The following KIF5A variants were observed in gnomAD, a reference collection of about 807,000 sequenced individuals.
The protein encoded by KIF5A is kinesin heavy chain isoform 5A.
In KIF5A, 35 loss-of-function variants were observed where a neutral mutation model predicts 141.3. The observed-to-expected ratio is 0.25, with a 90% confidence interval of 0.19 to 0.33. The LOEUF (loss-of-function observed/expected upper bound fraction) is 0.33. KIF5A is among the 10% of genes least tolerant of loss of function. The probability of loss-of-function intolerance (pLI) is 1.00; values close to 1 mark genes in which losing one functional copy is unlikely to be tolerated. For missense variants in KIF5A, 861 were observed against 1,314.3 expected (o/e 0.66, Z 5.33); for synonymous variants, 448 against 500.2 (o/e 0.90, Z 1.39).
At position 57,570,105 on chromosome 12, in the gene KIF5A, G is replaced by A. The variant is rs143591739; in HGVS notation, c.1236G>A (p.Glu412=). Residue 412 remains glutamate, a synonymous_variant, in exon 12 of 29, where the codon GAG becomes GAA. Coordinates refer to ENST00000455537, the MANE Select transcript of KIF5A (RefSeq NM_004984.4). ...CCATCGTGGTGCGCATCGCGCCCGAGGAGCGGCAGAAATACGAGGAGGAGA... is the reference window on the plus strand; with the variant it reads ...CCATCGTGGTGCGCATCGCGCCCGAAGAGCGGCAGAAATACGAGGAGGAGA... ...NSSIVVRIAP[E]ERQKYEEEIR... The A allele has an allele frequency of 4.3e-5, 69 of 1,614,184 alleles. No homozygotes were observed. The African/African-American group carries it at 7.6e-4, about 18-fold the overall frequency.
rs541896344 is a variant in KIF5A, at chr12:57,570,098, C to T, written c.1229C>T (p.Ala410Val). The T allele has an allele frequency of 1.8e-5, 29 of 1,614,152 alleles. No individual in the cohort carries two copies. Among genetic ancestry groups the T allele is most frequent in the East Asian group, 2.2e-5 (1 of 44,878 alleles). ...AACTCATCCATCGTGGTGCGCATCGCGCCCGAGGAGCGGCAGAAATACGAG... is the reference window on the plus strand; with the variant it reads ...AACTCATCCATCGTGGTGCGCATCGTGCCCGAGGAGCGGCAGAAATACGAG... ...NDNSSIVVRI[A>V]PEERQKYEEE... Residue 410 changes from alanine (A) to valine (V), a missense_variant, in exon 12 of 29, where the codon GCG becomes GTG. Around this residue, in one of 5 missense-constraint regions of KIF5A, gnomAD observed 167 missense variants for 192.0 expected, o/e 0.87. Transcript: ENST00000455537.
At position 57,575,191 on chromosome 12, in the gene KIF5A, G is replaced by A. The variant is rs1217611247; in HGVS notation, c.1824G>A (p.Leu608=). The change falls in exon 16 of 29, where the codon CTG becomes CTA. Residue 608 remains leucine, a synonymous_variant. Coordinates refer to ENST00000455537, the MANE Select transcript of KIF5A (RefSeq NM_004984.4). The part of the protein sequence containing the change: ...VKSVVKRCRQ[L]ENLQVECHRK... The stretch of plus-strand genomic sequence containing the variant: ...CTGTGGTCAAGCGGTGCCGGCAGCT[G>A]GAGAACCTCCAGGTGGAGTGTCACC... 6.2e-7 allele frequency: 1 copy of A among 1,613,950 alleles called. No individual in the cohort carries two copies. Among genetic ancestry groups the A allele is most frequent in the Non-Finnish European group, 8.5e-7 (1 of 1,179,934 alleles).
rs773435627 is a variant in KIF5A at position 57,575,092 on chromosome 12, G to C, written c.1725G>C (p.Glu575Asp). The change falls in exon 16 of 29, where the codon GAG becomes GAC. Residue 575 changes from glutamate to aspartate, a missense_variant. This residue lies in a region of KIF5A where 482 missense variants were observed against 661.3 expected (regional missense o/e 0.73). Coordinates refer to ENST00000455537, the MANE Select transcript of KIF5A (RefSeq NM_004984.4). ...TCCTTTAATCACCTTAGCCAGTGGA[G>C]ATCAGTGGGGCCATCGAGGAGGAGT... ...VGNGEIKLPVEISGAIEEEFT... is the reference protein window; with the variant it reads ...VGNGEIKLPVDISGAIEEEFT... 6.2e-7 allele frequency: 1 copy of C among 1,614,098 alleles called. No individual in the cohort carries two copies. The highest frequency in any genetic ancestry group is 1.1e-5 in the South Asian group (1 of 91,074).
In KIF5A at chr12:57,583,209, C is replaced by A; in HGVS notation, c.*30C>A. On this transcript the variant is annotated 3_prime_UTR_variant, in exon 28 of 29. Transcript: ENST00000455537. Reference sequence around the variant, plus strand: ...CCACACCCACGGCTGCATACCTGCACTTTCAGGTAGCGTCAGGCTGCTTCC... The same window carrying A: ...CCACACCCACGGCTGCATACCTGCAATTTCAGGTAGCGTCAGGCTGCTTCC... 1 of 1,587,118 alleles carries A rather than the reference C, an allele frequency of 6.3e-7. No individual in the cohort carries two copies. Among genetic ancestry groups the A allele is most frequent in the Non-Finnish European group, 8.6e-7 (1 of 1,157,382 alleles).
Position 57,572,639 on chromosome 12 carries a change from G to A in KIF5A, c.1629G>A (p.Gln543=). The A allele has an allele frequency of 6.2e-7, 1 of 1,614,260 alleles. No individual in the cohort carries two copies. The highest frequency in any genetic ancestry group is 8.5e-7 in the Non-Finnish European group (1 of 1,180,056). ...GGCTACAGGAGGTCAGTGGACACCAGCGAAAACGAATTGCTGAGGTGCTGA... is the reference window on the plus strand; with the variant it reads ...GGCTACAGGAGGTCAGTGGACACCAACGAAAACGAATTGCTGAGGTGCTGA... ...LQRLQEVSGH[Q]RKRIAEVLNG... The change falls in exon 15 of 29, where the codon CAG becomes CAA. Residue 543 remains glutamine, a synonymous_variant. Transcript: ENST00000455537. The surrounding 1 kb of genome is among the most constrained non-coding windows in gnomAD (Gnocchi z 4.2).
In KIF5A at chr12:57,572,529, G is replaced by A; in HGVS notation, c.1570-51G>A. 1 of 1,612,884 alleles carries A rather than the reference G, an allele frequency of 6.2e-7. No individual in the cohort carries two copies. Among genetic ancestry groups the A allele is most frequent in the Non-Finnish European group, 8.5e-7 (1 of 1,179,442 alleles). ...AGGGAGAGGCCTCTGCCTGGGCTGG[G>A]CAAGGGAGCAGGAGGATGGCAACAG... On this transcript the variant is annotated intron_variant, in intron 14 of 28. Coordinates refer to ENST00000455537, the MANE Select transcript of KIF5A (RefSeq NM_004984.4). The surrounding 1 kb of genome is among the most constrained non-coding windows in gnomAD (Gnocchi z 4.2).
chr12:57,564,310 C>A, intron 4 of KIF5A, 98 bp downstream of exon 4: 1 of 1,106,070 alleles, frequency 9.0e-7, no homozygotes, highest in Non-Finnish European at 1.4e-6. Flanking sequence ...ACTTGACTCC[C>A]TTTCCGGTTA....
chr12:57,577,099 C>T (rs781400364), intron 20 of KIF5A, among the ~76,000 whole-genome samples: 3 of 152,146 alleles, frequency 2.0e-5, no homozygotes, highest in Non-Finnish European at 4.4e-5. Context: ...GTTACAAAAC[C>T]ATATGCATGG....
intron 3 of KIF5A, 101 bp downstream of exon 3, chr12:57,563,794 A>G (rs1320218772): frequency 3.8e-6 from 4 of 1,064,796 alleles, no homozygotes; most frequent in Non-Finnish European, 5.8e-6. Context: ...TGCCTGGTCC[A>G]GAGGCAGATA....
chr12:57,554,924 C>T (rs1376997555), intron 1 of KIF5A, among the ~76,000 whole-genome samples: 1 of 152,218 alleles, frequency 6.6e-6, no homozygotes, highest in African/African-American at 2.4e-5. Context: ...CACTTCCCAC[C>T]ATGCCCCACC....
intron 7 of KIF5A, 83 bp downstream of exon 7, chr12:57,567,296 G>T: frequency 7.6e-7 from 1 of 1,316,874 alleles, no homozygotes; most frequent in Non-Finnish European, 1.1e-6. Flanking sequence ...ACTCAAAAGT[G>T]AGCAAGGAAA....
At position 57,585,637 on chromosome 12, in the gene KIF5A, A is replaced by T. The variant is rs1207778341; in HGVS notation, c.*1456A>T. The T allele has an allele frequency of 6.5e-6, 1 of 152,862 alleles. No individual in the cohort carries two copies. The highest frequency in any genetic ancestry group is 1.5e-5 in the Non-Finnish European group (1 of 68,224). The allele number at this position is 152,862 out of a possible 1,614,324, so 9.5% of individuals were successfully genotyped here. A position where few individuals can be genotyped will look rare whatever the true frequency, so the allele number is the denominator to read the frequency against. ...GACCAAGATTCTCCAGCGGCAGGGC[A>T]GCCTATCACCCAACTTCTAAGTCAG... On this transcript the variant is annotated 3_prime_UTR_variant, in exon 29 of 29. Coordinates refer to ENST00000455537, the MANE Select transcript of KIF5A (RefSeq NM_004984.4).
At chr12:57,574,801 T>C (rs560771934) in intron 15 of KIF5A, among the ~76,000 whole-genome samples, 90 of 152,244 alleles carry the variant, frequency 5.9e-4, no homozygotes, top group Middle Eastern at 6.8e-3. Flanking sequence ...CAGGCTGGTC[T>C]CGAACTCCTG....
At chr12:57,559,998 T>G (rs1183073903) in intron 1 of KIF5A, among the ~76,000 whole-genome samples, 1 of 152,178 alleles carries the variant, frequency 6.6e-6, no homozygotes, top group Non-Finnish European at 1.5e-5. Context: ...TTCAAGCGAT[T>G]CTTGTGCCTC....
intron 23 of KIF5A, 64 bp downstream of exon 23, chr12:57,578,406 C>T (rs564975047): frequency 5.5e-6 from 6 of 1,088,662 alleles, no homozygotes; most frequent in Middle Eastern, 2.0e-4. Flanking sequence ...ACCAAATCCT[C>T]AGAGGCCCCT....
At chr12:57,569,734 G>C in intron 11 of KIF5A, 51 bp downstream of exon 11, 1 of 1,603,864 alleles carries the variant, frequency 6.2e-7, no homozygotes, top group Non-Finnish European at 8.5e-7. Flanking sequence ...GGAGGAGGAT[G>C]TTTGGGAGCC....
intron 5 of KIF5A, 32 bp downstream of exon 5, chr12:57,564,540 G>C: frequency 5.2e-6 from 8 of 1,528,552 alleles, no homozygotes; most frequent in Non-Finnish European, 7.3e-6. Context: ...ATGAGGGTGT[G>C]TGAGGAGGGT....
rs748426915 is a variant in KIF5A at position 57,567,130 on chromosome 12, G to T, written c.506G>T (p.Cys169Phe). 6.2e-7 allele frequency: 1 copy of T among 1,609,920 alleles called. No homozygotes were observed. The highest frequency in any genetic ancestry group is 8.5e-7 in the Non-Finnish European group (1 of 1,176,734). ...CTGTCCATTTGTCCCCCACAGGGTT[G>T]TACTGAACGCTTTGTGTCCAGCCCG... ...DKNRVPFVKG[C>F]TERFVSSPEE... The change falls in exon 7 of 29, where the codon TGT (cysteine) becomes TTT (phenylalanine). Residue 169 changes from cysteine to phenylalanine, a missense_variant. Cys to Phe is a radical substitution (Grantham distance 205). Around this residue, in one of 5 missense-constraint regions of KIF5A, gnomAD observed 146 missense variants for 353.4 expected, o/e 0.41. Transcript: ENST00000455537.
chr12:57,577,944 T>C (rs1882476510), intron 21 of KIF5A, 65 bp from the exon 22 acceptor site: 1 of 1,384,566 alleles, frequency 7.2e-7, no homozygotes, highest in Non-Finnish European at 1.0e-6. Flanking sequence ...GAGGTACCTA[T>C]AATTCTGGAG....
Sources: allele counts gnomAD v4.1 joint callset (sites outside exome capture counted in the v4.1 genomes callset), GRCh38; gene constraint gnomAD v4.1.1; regional missense constraint gnomAD v4.1.1; non-coding constraint Gnocchi (gnomAD v3.1); transcripts MANE v1.5; gene names NCBI Gene and HGNC (gene_info 2026-07-23, HGNC 2026-07-21).